Variants in BTBD10 observed in about 807,000 individuals in gnomAD.
BTBD10 encodes BTB domain containing 10.
BTBD10 carries 21 observed loss-of-function variants against 53.2 expected under a neutral mutation model. That is an observed-to-expected ratio of 0.39 (90% CI 0.28 to 0.57). The LOEUF (loss-of-function observed/expected upper bound fraction) is 0.57, where lower values mean the gene tolerates loss of function less well. Ranked by LOEUF, BTBD10 falls within the 20% of genes least tolerant of loss-of-function variation. The pLI is 0.53. For missense variants in BTBD10, 360 were observed against 594.7 expected (o/e 0.61, Z 4.10); for synonymous variants, 149 against 192.7 (o/e 0.77, Z 1.88).
chr11:13,452,842 A>G (rs1345528794), intron 1 of BTBD10, among the ~76,000 whole-genome samples: 1 of 152,236 alleles, frequency 6.6e-6, no homozygotes, highest in Non-Finnish European at 1.5e-5. Flanking sequence ...GTTAGACAGG[A>G]TACCTTATAT....
At position 13,413,649 on chromosome 11, in the gene BTBD10, T is replaced by C. The variant is rs1386815075; in HGVS notation, c.689A>G (p.Asp230Gly). The C allele has an allele frequency of 6.2e-7, 1 of 1,604,534 alleles. No homozygotes were observed. The highest frequency in any genetic ancestry group is 8.5e-7 in the Non-Finnish European group (1 of 1,176,532). The change falls in exon 6 of 9, where the codon GAT becomes GGT. Residue 230 changes from aspartate to glycine, a missense_variant and splice_region_variant. By Grantham distance (94) the Asp-to-Gly change is moderately conservative. Around this residue, in one of 6 missense-constraint regions of BTBD10, gnomAD observed 91 missense variants for 171.7 expected, o/e 0.53. Coordinates refer to ENST00000278174, the MANE Select transcript of BTBD10 (RefSeq NM_032320.7). ...IGSTVFRAIL[D>G]YYKTGIIRCP... ...ACGGATTATTCCTGTTTTATAGTAA[T>C]CCTGGAAAAAGAAAAGTAAAGAAAG...
chr11:13,435,553 C>A (rs905419100), intron 2 of BTBD10, among the ~76,000 whole-genome samples: 1 of 152,114 alleles, frequency 6.6e-6, no homozygotes, highest in Non-Finnish European at 1.5e-5. Context: ...AGTGCAGTGG[C>A]GCACTCTCGG....
chr11:13,411,251 A>T (rs1381708405), intron 6 of BTBD10, among the ~76,000 whole-genome samples: 1 of 152,242 alleles, frequency 6.6e-6, no homozygotes, highest in East Asian at 1.9e-4. Flanking sequence ...ACAAACTGAA[A>T]AAGAGTGCCT....
At chr11:13,405,915 GA>G in intron 6 of BTBD10, 59 bp from the exon 7 acceptor site, 1 of 1,526,094 alleles carries the variant, frequency 6.6e-7, no homozygotes, top group Non-Finnish European at 9.0e-7. Context: ...AGTTCTTTTA[GA>G]AATATAGACT....
intron 8 of BTBD10, 103 bp downstream of exon 8, chr11:13,403,065 G>A: frequency 1.3e-6 from 1 of 740,802 alleles, no homozygotes; most frequent in Admixed American, 3.0e-5. Flanking sequence ...ATTTGTCAGA[G>A]TTTTTCTCAA....
chr11:13,398,900 G>A (rs564968151), intron 8 of BTBD10, among the ~76,000 whole-genome samples: 1 of 152,320 alleles, frequency 6.6e-6, no homozygotes, highest in East Asian at 1.9e-4. Context: ...TAGAGTTTCT[G>A]CTGAGAGATC....
At chr11:13,420,279 C>T (rs1436293277) in intron 3 of BTBD10, among the ~76,000 whole-genome samples, 1 of 150,688 alleles carries the variant, frequency 6.6e-6, no homozygotes, top group African/African-American at 2.4e-5. Flanking sequence ...CTTTCCCCCA[C>T]AAAAAAAGAA....
intron 8 of BTBD10, among the ~76,000 whole-genome samples, chr11:13,392,453 T>G (rs1403464926): frequency 6.6e-6 from 1 of 152,046 alleles, no homozygotes; most frequent in African/African-American, 2.4e-5. Flanking sequence ...GGGAAATAGC[T>G]GGAGGTAACA....
At chr11:13,434,193 T>C (rs1402466206) in intron 2 of BTBD10, among the ~76,000 whole-genome samples, 1 of 152,128 alleles carries the variant, frequency 6.6e-6, no homozygotes, top group Non-Finnish European at 1.5e-5. Context: ...CTTCCTAAAA[T>C]CCCATTGCAG....
At chr11:13,446,644 T>C (rs1245890351) in intron 1 of BTBD10, among the ~76,000 whole-genome samples, 1 of 152,158 alleles carries the variant, frequency 6.6e-6, no homozygotes, top group South Asian at 2.1e-4. Flanking sequence ...AAATGCCACA[T>C]AGTTTATTTG....
chr11:13,402,838 GC>G (rs1345632430), intron 8 of BTBD10, among the ~76,000 whole-genome samples: 1 of 152,118 alleles, frequency 6.6e-6, no homozygotes, highest in African/African-American at 2.4e-5. Context: ...AAAAAGCCCT[GC>G]CAATCCTATG....
Position 13,445,153 on chromosome 11 carries a change from T to C in BTBD10, c.-29A>G, listed in dbSNP as rs1187353284. On this transcript the variant is annotated 5_prime_UTR_variant, in exon 2 of 9. Transcript: ENST00000278174. ...ACTCCAAGCTTCCTCACACTACTGC[T>C]CTGAAAGCACACATGTAGCACCCAT... 6.5e-7 allele frequency: 1 copy of C among 1,540,558 alleles called. No individual in the cohort carries two copies.
chr11:13,454,522 T>C (rs1950925096), intron 1 of BTBD10, among the ~76,000 whole-genome samples: 1 of 152,152 alleles, frequency 6.6e-6, no homozygotes, highest in South Asian at 2.1e-4. Context: ...GATATTTTTA[T>C]AACCAATTGA....
At chr11:13,414,435 C>G (rs1195606359) in intron 5 of BTBD10, among the ~76,000 whole-genome samples, 2 of 152,134 alleles carry the variant, frequency 1.3e-5, no homozygotes, top group Non-Finnish European at 2.9e-5. Flanking sequence ...AGACAGATCA[C>G]CTGAGGTCAG....
Position 13,435,548 on chromosome 11 carries a change from A to T in BTBD10, c.101+9476T>A, listed in dbSNP as rs1023868935. Among the ~76,000 whole-genome samples, 5 of 152,308 alleles carry T rather than the reference A, an allele frequency of 3.3e-5. No individual in the cohort carries two copies. The East Asian group carries it at 9.6e-4, about 29-fold the overall frequency. On this transcript the variant is annotated intron_variant, in intron 2 of 8. Transcript: ENST00000278174. ...CGCTCTGTCGCCCAGGCTGGAGTGC[A>T]GTGGCGCACTCTCGGCTCACTGCAA...
At chr11:13,397,078 A>T (rs567533966) in intron 8 of BTBD10, among the ~76,000 whole-genome samples, 2 of 152,170 alleles carry the variant, frequency 1.3e-5, no homozygotes, top group East Asian at 3.9e-4. Context: ...GAAAGATTCC[A>T]TCTTTTTCTA....
In BTBD10 at chr11:13,463,084, C is replaced by T. The variant is rs1468004135; in HGVS notation, c.-58+8G>A. The T allele has an allele frequency of 6.5e-6, 1 of 152,966 alleles. No individual in the cohort carries two copies. The highest frequency in any genetic ancestry group is 6.5e-5 in the Admixed American group (1 of 15,282). The allele number at this position is 152,966 out of a possible 1,614,324, so 9.5% of individuals were successfully genotyped here. A position where few individuals can be genotyped will look rare whatever the true frequency, so the allele number is the denominator to read the frequency against. Reference sequence around the variant, plus strand: ...CCCCCGCCGAGTTCCCCAGCTGAGTCCACTCACTCTCGAACCTGTAGTCCC... The same window carrying T: ...CCCCCGCCGAGTTCCCCAGCTGAGTTCACTCACTCTCGAACCTGTAGTCCC... On this transcript the variant is annotated splice_region_variant and intron_variant, in intron 1 of 8. Transcript: ENST00000278174.
chr11:13,422,218 C>T (rs1415289442), intron 2 of BTBD10, among the ~76,000 whole-genome samples: 1 of 152,264 alleles, frequency 6.6e-6, no homozygotes, highest in East Asian at 1.9e-4. Flanking sequence ...TTTTGGAACT[C>T]TTAAAAAACT....
chr11:13,411,276 G>C (rs1212148608), intron 6 of BTBD10, among the ~76,000 whole-genome samples: 1 of 152,158 alleles, frequency 6.6e-6, no homozygotes, highest in African/African-American at 2.4e-5. Context: ...CAGAGAGAGA[G>C]AACATGCAAG....
Sources: allele counts gnomAD v4.1 joint callset (sites outside exome capture counted in the v4.1 genomes callset), GRCh38; gene constraint gnomAD v4.1.1; regional missense constraint gnomAD v4.1.1; transcripts MANE v1.5; gene names NCBI Gene and HGNC (gene_info 2026-07-23, HGNC 2026-07-21).